The following NTM variants were observed in gnomAD, a reference collection of about 807,000 sequenced individuals.
NTM encodes the protein neurotrimin.
A neutral mutation model predicts 42.1 loss-of-function variants in NTM; 13 were observed. The ratio of observed to expected loss-of-function variants is 0.31; its 90% confidence interval spans 0.20 to 0.49. The LOEUF (loss-of-function observed/expected upper bound fraction) is 0.49, where lower values mean the gene tolerates loss of function less well. NTM is among the 20% of genes least tolerant of loss of function. The pLI, the probability that NTM is intolerant of heterozygous loss-of-function variation, is 0.99. For missense variants in NTM, 373 were observed against 452.8 expected (o/e 0.82, Z 1.60); for synonymous variants, 187 against 179.2 (o/e 1.04, Z -0.35).
intron 2 of NTM, among the ~76,000 whole-genome samples, chr11:132,108,661 C>A (rs1444033288): frequency 6.6e-6 from 1 of 151,870 alleles, no homozygotes; most frequent in East Asian, 1.9e-4. Flanking sequence ...TGTCACCTGT[C>A]CCCGAAAAAC....
chr11:131,785,652 T>C (rs1243447171), intron 1 of NTM, among the ~76,000 whole-genome samples: 2 of 152,172 alleles, frequency 1.3e-5, no homozygotes, highest in African/African-American at 4.8e-5. Context: ...AAGGCAGAAA[T>C]CTTGCTCAAA....
chr11:131,520,848 T>C (rs1378667638), intron 1 of NTM, among the ~76,000 whole-genome samples: 1 of 152,090 alleles, frequency 6.6e-6, no homozygotes, highest in Non-Finnish European at 1.5e-5. Flanking sequence ...AAGGAATAAC[T>C]GAGGTTGAGT....
At chr11:131,496,628 G>A (rs557825597) in intron 1 of NTM, among the ~76,000 whole-genome samples, 14 of 152,316 alleles carry the variant, frequency 9.2e-5, no homozygotes, top group Admixed American at 6.5e-4. Context: ...CCCCTTCACT[G>A]GGAAAGTCAT....
chr11:131,752,921 A>G (rs542663408), intron 1 of NTM, among the ~76,000 whole-genome samples: 3 of 152,218 alleles, frequency 2.0e-5, no homozygotes, highest in Non-Finnish European at 4.4e-5. Flanking sequence ...GCTTCTGCAC[A>G]GCAAAAGAAA....
intron 2 of NTM, among the ~76,000 whole-genome samples, chr11:132,089,383 T>A (rs1382170503): frequency 6.6e-6 from 1 of 152,204 alleles, no homozygotes; most frequent in Non-Finnish European, 1.5e-5. Context: ...AAAACTTCCA[T>A]TGAAAGCTCT....
At chr11:132,277,575 G>C (rs1021352726) in intron 4 of NTM, among the ~76,000 whole-genome samples, 4 of 152,096 alleles carry the variant, frequency 2.6e-5, no homozygotes, top group African/African-American at 4.8e-5. Context: ...ATAAGAATTT[G>C]GGCGTACTTG....
At chr11:131,680,764 C>A (rs1289552452) in intron 1 of NTM, among the ~76,000 whole-genome samples, 5 of 133,168 alleles carry the variant, frequency 3.8e-5, no homozygotes, top group Admixed American at 7.7e-5. Flanking sequence ...TGTGTGAGAT[C>A]ATGCCTATGT....
At chr11:132,062,090 C>A (rs983168423) in intron 2 of NTM, among the ~76,000 whole-genome samples, 6 of 152,136 alleles carry the variant, frequency 3.9e-5, no homozygotes, top group African/African-American at 1.4e-4. Context: ...CAGGTACAGT[C>A]ACTCTAATCA....
At chr11:131,545,832 C>T (rs529009884) in intron 1 of NTM, among the ~76,000 whole-genome samples, 2 of 152,218 alleles carry the variant, frequency 1.3e-5, no homozygotes, top group South Asian at 4.1e-4. Flanking sequence ...ATAGATTTTT[C>T]GGCAGAGGGA....
At chr11:131,416,839 A>C (rs1444191445) in intron 1 of NTM, among the ~76,000 whole-genome samples, 1 of 152,228 alleles carries the variant, frequency 6.6e-6, no homozygotes, top group Middle Eastern at 3.2e-3. Context: ...GAATGTTAGC[A>C]GAGAAGTGCA....
At chr11:132,176,875 C>T (rs1017075923) in intron 3 of NTM, among the ~76,000 whole-genome samples, 1 of 151,706 alleles carries the variant, frequency 6.6e-6, no homozygotes. Flanking sequence ...ATTACAGGGG[C>T]CCACCACCAC....
chr11:131,867,099 T>C (rs892381338), intron 1 of NTM, among the ~76,000 whole-genome samples: 12 of 152,118 alleles, frequency 7.9e-5, no homozygotes, highest in African/African-American at 2.4e-4. Flanking sequence ...AAAAGTAAAT[T>C]AGCCAGGAAA....
intron 3 of NTM, among the ~76,000 whole-genome samples, chr11:132,179,061 T>C (rs902455148): frequency 2.6e-5 from 4 of 152,190 alleles, no homozygotes; most frequent in Non-Finnish European, 5.9e-5. Flanking sequence ...CACTCTATAC[T>C]GTCTGGGTAT....
chr11:131,695,460 C>G (rs1465720229), intron 1 of NTM, among the ~76,000 whole-genome samples: 1 of 152,182 alleles, frequency 6.6e-6, no homozygotes, highest in Non-Finnish European at 1.5e-5. Context: ...CGATGAGGCA[C>G]ATATTCAGGT....
chr11:132,085,594 T>G (rs1333788852), intron 2 of NTM, among the ~76,000 whole-genome samples: 1 of 152,264 alleles, frequency 6.6e-6, no homozygotes. Flanking sequence ...TAAAGTCACA[T>G]GAACTAAAAG....
chr11:131,588,710 A>C (rs1382952029), intron 1 of NTM, among the ~76,000 whole-genome samples: 1 of 152,220 alleles, frequency 6.6e-6, no homozygotes, highest in Non-Finnish European at 1.5e-5. Flanking sequence ...TAATCAACCT[A>C]CTATGGGGAA....
chr11:132,029,238 G>C (rs2075608021), intron 2 of NTM, among the ~76,000 whole-genome samples: 1 of 151,850 alleles, frequency 6.6e-6, no homozygotes, highest in Non-Finnish European at 1.5e-5. Flanking sequence ...TGTGCACAAT[G>C]TGCAGGTTAG....
chr11:131,650,899 C>T (rs1404559859), intron 1 of NTM, among the ~76,000 whole-genome samples: 4 of 152,118 alleles, frequency 2.6e-5, no homozygotes. Context: ...GTGCTAGCTC[C>T]ACATGTTTTC....
intron 1 of NTM, among the ~76,000 whole-genome samples, chr11:131,797,798 T>G (rs1565564860): frequency 6.6e-6 from 1 of 152,216 alleles, no homozygotes; most frequent in Non-Finnish European, 1.5e-5. Context: ...ATTAAGTAAT[T>G]ATTGGCAATT....
Sources: gnomAD v4.1 joint callset for allele counts (sites outside exome capture counted in the v4.1 genomes callset) on GRCh38, gnomAD v4.1.1 for gene constraint, MANE v1.5 for transcripts, NCBI Gene and HGNC (gene_info 2026-07-23, HGNC 2026-07-21) for gene names.